The following CDKL3 variants were observed in gnomAD, a reference collection of about 807,000 sequenced individuals.
CDKL3 encodes cyclin dependent kinase like 3.
CDKL3 carries 65 observed loss-of-function variants against 69.3 expected under a neutral mutation model. That is an observed-to-expected ratio of 0.94 (90% CI 0.77 to 1.15). The LOEUF (loss-of-function observed/expected upper bound fraction) is 1.15. Among genes scored for constraint, CDKL3 ranks in the 50% most tolerant of loss-of-function variants. CDKL3 has a pLI of 0.00. For synonymous variants in CDKL3, 202 were observed against 221.6 expected, an observed-to-expected ratio of 0.91 and a Z score of 0.79; for missense variants, 652 against 689.2, an observed-to-expected ratio of 0.95 and a Z score of 0.61.
chr5:134,340,110 C>T (rs986580607), intron 4 of CDKL3, among the ~76,000 whole-genome samples: 3 of 152,070 alleles, frequency 2.0e-5, no homozygotes, highest in Admixed American at 6.6e-5. Flanking sequence ...TCCGAGATCA[C>T]ACCACTGCAT....
At chr5:134,323,787 T>C (rs1032909185) in intron 4 of CDKL3, among the ~76,000 whole-genome samples, 1 of 152,058 alleles carries the variant, frequency 6.6e-6, no homozygotes, top group South Asian at 2.1e-4. Context: ...AAAATCTAGA[T>C]GGCCTTAGGT....
At position 134,350,440 on chromosome 5, in the gene CDKL3, C is replaced by A; in HGVS notation, c.361-13G>T. ...CTCGATGAATGATCTAAAAAACAAA[C>A]AGAATACAAAATACATTAAAATGAG... is the stretch of plus-strand genomic sequence containing the variant. On this transcript the variant is annotated splice_polypyrimidine_tract_variant and intron_variant, in intron 3 of 12. Transcript: ENST00000265334. The A allele has an allele frequency of 6.7e-7, 1 of 1,489,062 alleles. No homozygotes were observed. Among genetic ancestry groups the A allele is most frequent in the South Asian group, 1.2e-5 (1 of 81,246 alleles). The allele number at this position is 1,489,062 out of a possible 1,614,324, so 92.2% of individuals were successfully genotyped here.
At position 134,298,495 on chromosome 5, in the gene CDKL3, A is replaced by C; in HGVS notation, c.*156T>G. ...TCAACAGAGTCTTAAAAGGGAAAAG[A>C]AAACAGTAAATGTTTTGCTAACAAA... On this transcript the variant is annotated 3_prime_UTR_variant, in exon 13 of 13. Transcript: ENST00000265334. 1 of 1,420,068 alleles carries C rather than the reference A, an allele frequency of 7.0e-7. No individual in the cohort carries two copies. The highest frequency in any genetic ancestry group is 1.7e-5 in the South Asian group (1 of 59,110). 88.0% of individuals were successfully genotyped at this position (1,420,068 alleles called of 1,614,324 possible).
chr5:134,302,199 T>C (rs753633306), intron 12 of CDKL3: 2 of 456,726 alleles, frequency 4.4e-6, no homozygotes, highest in Admixed American at 4.7e-5. Context: ...ACAGCAGAGA[T>C]AAGGGAATAA....
chr5:134,311,154 T>C (rs1769376079), intron 7 of CDKL3, among the ~76,000 whole-genome samples: 1 of 152,194 alleles, frequency 6.6e-6, no homozygotes, highest in Non-Finnish European at 1.5e-5. Flanking sequence ...AGAAGGGCCA[T>C]AAGAAGCATG....
intron 6 of CDKL3, among the ~76,000 whole-genome samples, chr5:134,317,864 C>T (rs1428252992): frequency 2.6e-5 from 4 of 152,062 alleles, no homozygotes; most frequent in Non-Finnish European, 5.9e-5. Context: ...GCCGAGGTGA[C>T]ACCACTGCAT....
At chr5:134,292,859 C>A (rs1765178279) in intron 8 of CDKL3, among the ~76,000 whole-genome samples, 1 of 151,874 alleles carries the variant, frequency 6.6e-6, no homozygotes, top group Non-Finnish European at 1.5e-5. Context: ...TGAATCTATT[C>A]CTTGAAAGAA....
At chr5:134,333,522 A>T (rs1055137849) in intron 4 of CDKL3, among the ~76,000 whole-genome samples, 23 of 152,208 alleles carry the variant, frequency 1.5e-4, no homozygotes, top group African/African-American at 5.5e-4. Flanking sequence ...TTTAGCAAGA[A>T]ATGCTGTTGA....
chr5:134,361,603 G>T (rs1756032991), intron 2 of CDKL3, among the ~76,000 whole-genome samples: 1 of 152,092 alleles, frequency 6.6e-6, no homozygotes, highest in African/African-American at 2.4e-5. Flanking sequence ...ATTGACAGCA[G>T]TGAAAAGAAT....
downstream of CDKL3, among the ~76,000 whole-genome samples, chr5:134,285,986 G>T (rs1764842963): frequency 6.6e-6 from 1 of 152,222 alleles, no homozygotes; most frequent in African/African-American, 2.4e-5. Context: ...GGTGGGTGTG[G>T]TGGCACATGC....
downstream of CDKL3, among the ~76,000 whole-genome samples, chr5:134,296,952 C>CTTTTTT (rs111349325): frequency 1.7e-4 from 22 of 131,288 alleles, no homozygotes; most frequent in South Asian, 4.9e-4. Flanking sequence ...CTTTTCTTTT[C>CTTTTTT]TTTTTTTTTT....
chr5:134,287,350 T>C (rs1399100554), intron 8 of CDKL3, among the ~76,000 whole-genome samples: 1 of 152,234 alleles, frequency 6.6e-6, no homozygotes, highest in Non-Finnish European at 1.5e-5. Context: ...AATTTTATTC[T>C]TCAAGGGGTG....
chr5:134,366,657 TA>T (rs1171554599), intron 1 of CDKL3, 113 bp from the exon 2 acceptor site: 77,503 of 523,984 alleles, frequency 0.15, no homozygotes, highest in South Asian at 0.19. Flanking sequence ...ATAGAGACAT[TA>T]AAAAAAAAAA....
intron 2 of CDKL3, among the ~76,000 whole-genome samples, chr5:134,363,294 CTATT>C (rs772293841): frequency 6.6e-6 from 1 of 151,764 alleles, no homozygotes; most frequent in Non-Finnish European, 1.5e-5. Context: ...TAGAGCTGTT[CTATT>C]TATTTATTTA....
At chr5:134,321,253 C>A (rs1206224903) in intron 5 of CDKL3, among the ~76,000 whole-genome samples, 2 of 151,944 alleles carry the variant, frequency 1.3e-5, no homozygotes, top group Non-Finnish European at 2.9e-5. Context: ...CTCAGGTGCT[C>A]CGCCTGCCTT....
At chr5:134,297,309 C>T (rs1765409607), downstream of CDKL3, among the ~76,000 whole-genome samples, 1 of 152,116 alleles carries the variant, frequency 6.6e-6, no homozygotes, top group Non-Finnish European at 1.5e-5. Context: ...AAGCTGAGCC[C>T]TAAACCCTCA....
At chr5:134,357,776 T>C (rs1395361578) in intron 3 of CDKL3, among the ~76,000 whole-genome samples, 4 of 152,190 alleles carry the variant, frequency 2.6e-5, no homozygotes. Context: ...CCATTGCTAC[T>C]TAGTCCAAAC....
intron 4 of CDKL3, among the ~76,000 whole-genome samples, chr5:134,323,571 T>G (rs1269531698): frequency 2.0e-5 from 3 of 152,166 alleles, no homozygotes; most frequent in African/African-American, 7.2e-5. Context: ...TGCACAAATG[T>G]GCTCAACTGA....
In CDKL3 at chr5:134,366,552, G is replaced by A. The variant is rs1185275163; in HGVS notation, c.-21-8C>T. 6.6e-7 allele frequency: 1 copy of A among 1,516,204 alleles called. No homozygotes were observed. Among genetic ancestry groups the A allele is most frequent in the Admixed American group, 2.2e-5 (1 of 44,846 alleles). The allele number at this position is 1,516,204 out of a possible 1,614,324, so 93.9% of individuals were successfully genotyped here. On this transcript the variant is annotated splice_polypyrimidine_tract_variant and splice_region_variant and intron_variant, in intron 1 of 12. Coordinates refer to ENST00000265334, the MANE Select transcript of CDKL3 (RefSeq NM_001113575.2). ...CAAGCTGGGCTTTTACTACTTTATA[G>A]AAATAAAGAAAGAAAATGGAAAATG... is the stretch of plus-strand genomic sequence containing the variant.
Sources: allele counts gnomAD v4.1 joint callset (sites outside exome capture counted in the v4.1 genomes callset), GRCh38; gene constraint gnomAD v4.1.1; transcripts MANE v1.5; gene names NCBI Gene and HGNC (gene_info 2026-07-23, HGNC 2026-07-21).